The following ADAMTS17 variants were observed in gnomAD, a reference collection of about 807,000 sequenced individuals.
The protein encoded by ADAMTS17 is A disintegrin and metalloproteinase with thrombospondin motifs 17.
In ADAMTS17, 113 loss-of-function variants were observed where a neutral mutation model predicts 141.5. The ratio of observed to expected loss-of-function variants is 0.80; its 90% CI spans 0.69 to 0.93. The LOEUF is 0.93. Among genes scored for constraint, ADAMTS17 ranks in the 40% least tolerant of loss-of-function variants. The pLI is 0.00. For synonymous variants in ADAMTS17, 768 were observed against 630.6 expected, an observed-to-expected ratio of 1.22 and a Z score of -3.27; for missense variants, 1,659 against 1,517.9, an observed-to-expected ratio of 1.09 and a Z score of -1.54.
At chr15:100,183,883 C>T (rs1471871114) in intron 8 of ADAMTS17, among the ~76,000 whole-genome samples, 1 of 152,286 alleles carries the variant, frequency 6.6e-6, no homozygotes, top group Non-Finnish European at 1.5e-5. Flanking sequence ...TTTATGGTAT[C>T]GTTGAGGCTC....
At chr15:100,143,423 G>A (rs2038752334) in intron 10 of ADAMTS17, among the ~76,000 whole-genome samples, 1 of 152,032 alleles carries the variant, frequency 6.6e-6, no homozygotes, top group African/African-American at 2.4e-5. Context: ...GACTGATTGG[G>A]CTAATTGCAT....
At chr15:100,050,480 G>C (rs1368825618) in intron 17 of ADAMTS17, among the ~76,000 whole-genome samples, 2 of 152,174 alleles carry the variant, frequency 1.3e-5, no homozygotes, top group African/African-American at 4.8e-5. Flanking sequence ...GTGGTATCCG[G>C]AGGCTATGCC....
At chr15:100,250,258 A>T (rs1288835458) in intron 7 of ADAMTS17, among the ~76,000 whole-genome samples, 1 of 152,214 alleles carries the variant, frequency 6.6e-6, no homozygotes, top group Non-Finnish European at 1.5e-5. Context: ...ACGCTGTTAT[A>T]TACCAAATTA....
chr15:100,172,910 A>C (rs1878166615), intron 8 of ADAMTS17, among the ~76,000 whole-genome samples: 1 of 152,250 alleles, frequency 6.6e-6, no homozygotes, highest in African/African-American at 2.4e-5. Context: ...ATTTCTAACA[A>C]AGGAACAAGC....
chr15:100,010,387 T>C (rs955808372), intron 18 of ADAMTS17, among the ~76,000 whole-genome samples: 2 of 152,214 alleles, frequency 1.3e-5, no homozygotes, highest in African/African-American at 4.8e-5. Context: ...GCTCCAGGCA[T>C]GCACATCCCT....
At chr15:100,256,252 G>A (rs2043322989) in intron 6 of ADAMTS17, among the ~76,000 whole-genome samples, 2 of 152,190 alleles carry the variant, frequency 1.3e-5, no homozygotes, top group African/African-American at 4.8e-5. Flanking sequence ...ACCCCAAGGT[G>A]CGTTCCTCGA....
At chr15:100,312,175 G>A (rs1229696085) in intron 3 of ADAMTS17, among the ~76,000 whole-genome samples, 2 of 152,234 alleles carry the variant, frequency 1.3e-5, no homozygotes, top group Non-Finnish European at 2.9e-5. Flanking sequence ...TCCAGCTAAG[G>A]TTTTGAGATG....
Position 99,993,388 on chromosome 15 carries a change from C to T in ADAMTS17, c.2797-188G>A, listed in dbSNP as rs376065856. ...ACGTGGTCCCAGCTGGGGCCCCAGC[C>T]GAGTGGCCAGTGTTGTGGAAGGGAC... On this transcript the variant is annotated intron_variant, in intron 19 of 21. Transcript: ENST00000268070. The surrounding 1 kb of genome is among the most constrained non-coding windows in gnomAD (Gnocchi z 4.3). 5.3e-5 allele frequency among the ~76,000 whole-genome samples: 8 copies of T among 152,284 alleles called. No homozygotes were observed. Among genetic ancestry groups the T allele is most frequent in the East Asian group, 1.9e-4 (1 of 5,178 alleles).
chr15:99,981,950 A>G (rs1190873554), intron 20 of ADAMTS17, among the ~76,000 whole-genome samples: 1 of 152,166 alleles, frequency 6.6e-6, no homozygotes, highest in Non-Finnish European at 1.5e-5. Flanking sequence ...TTTGATGGAG[A>G]GGCCATGCAG....
chr15:100,147,074 G>A (rs1305760695), intron 10 of ADAMTS17, among the ~76,000 whole-genome samples: 1 of 152,058 alleles, frequency 6.6e-6, no homozygotes, highest in Admixed American at 6.5e-5. Context: ...AGTACTTGAT[G>A]TCTGTGACCC....
At chr15:100,261,778 T>A in intron 5 of ADAMTS17, 142 bp from the exon 6 acceptor site, 2 of 914,342 alleles carry the variant, frequency 2.2e-6, no homozygotes, top group Non-Finnish European at 3.4e-6. Context: ...AAGAAAAGCC[T>A]GATGCTAGTG....
rs1262150504 is a variant in ADAMTS17, at chr15:99,993,923, A to ATC, written c.2797-724_2797-723insGA. Among the ~76,000 whole-genome samples the ATC allele has an allele frequency of 6.6e-6, 1 of 152,082 alleles. No homozygotes were observed. The highest frequency in any genetic ancestry group is 2.4e-5 in the African/African-American group (1 of 41,402). On this transcript the variant is annotated intron_variant, in intron 19 of 21. Transcript: ENST00000268070. This position sits in a 1 kb window ranked among gnomAD's most constrained non-coding sequence, Gnocchi z 4.3. The stretch of plus-strand genomic sequence containing the variant: ...GATGAATGATGTGCCTGCCCTCAAG[A>ATC]GTTCAGGATTCCCAGCAGCAAGAAG...
chr15:100,267,023 A>G (rs1439566677), intron 4 of ADAMTS17, among the ~76,000 whole-genome samples: 1 of 152,166 alleles, frequency 6.6e-6, no homozygotes, highest in Non-Finnish European at 1.5e-5. Flanking sequence ...AAAATTTACC[A>G]TCTCACCCAC....
At position 100,171,894 on chromosome 15, in the gene ADAMTS17, G is replaced by A. The variant is rs1345284627; in HGVS notation, c.1182-16574C>T. Among the ~76,000 whole-genome samples the A allele has an allele frequency of 8.5e-5, 13 of 152,164 alleles. No individual in the cohort carries two copies. The East Asian group carries it at 2.1e-3, about 25-fold the overall frequency. On this transcript the variant is annotated intron_variant, in intron 8 of 21. Transcript: ENST00000268070. ...AACCCCGTGGAACTATGGCCTCTCT[G>A]CCTGTGTTACTTAAGTGGCTGGGAG...
At chr15:100,124,360 G>A (rs1378294562) in intron 12 of ADAMTS17, among the ~76,000 whole-genome samples, 1 of 152,198 alleles carries the variant, frequency 6.6e-6, no homozygotes, top group Admixed American at 6.5e-5. Context: ...TATCCAAATG[G>A]CAAATAAGGA....
chr15:100,138,725 G>T (rs186588508), intron 10 of ADAMTS17, among the ~76,000 whole-genome samples: 90 of 152,272 alleles, frequency 5.9e-4, no homozygotes, highest in African/African-American at 2.0e-3. Context: ...TATTTGAGAA[G>T]AAAACAGCTG....
intron 3 of ADAMTS17, among the ~76,000 whole-genome samples, chr15:100,319,554 C>CA (rs1218015236): frequency 3.3e-5 from 5 of 151,952 alleles, no homozygotes; most frequent in African/African-American, 9.7e-5. Flanking sequence ...ACTAAAAATA[C>CA]AAAAAAATTA....
At chr15:100,027,275 ACT>A (rs1215246324) in intron 18 of ADAMTS17, among the ~76,000 whole-genome samples, 2 of 150,742 alleles carry the variant, frequency 1.3e-5, no homozygotes, top group Admixed American at 6.6e-5. Context: ...CTTTTATTCT[ACT>A]CTTTTTTCTA....
chr15:100,318,331 A>G (rs890434124), intron 3 of ADAMTS17, among the ~76,000 whole-genome samples: 1 of 151,850 alleles, frequency 6.6e-6, no homozygotes, highest in Non-Finnish European at 1.5e-5. Context: ...GTCCCCCTCA[A>G]ATTCAGACAT....
Sources: gnomAD v4.1 joint callset for allele counts (sites outside exome capture counted in the v4.1 genomes callset) on GRCh38, gnomAD v4.1.1 for gene constraint, Gnocchi (gnomAD v3.1) non-coding constraint, MANE v1.5 for transcripts, NCBI Gene and HGNC (gene_info 2026-07-23, HGNC 2026-07-21) for gene names.